The following CPNE4 variants were observed in gnomAD, a reference collection of about 807,000 sequenced individuals.
CPNE4 encodes copine 4, also known as copine-4.
A neutral mutation model predicts 67.9 loss-of-function variants in CPNE4; 25 were observed. The ratio of observed to expected loss-of-function variants is 0.37; its 90% CI spans 0.27 to 0.51. The LOEUF (loss-of-function observed/expected upper bound fraction) is 0.51. Ranked by LOEUF, CPNE4 falls within the 20% of genes least tolerant of loss-of-function variation. CPNE4 has a pLI of 0.93. For synonymous variants in CPNE4, 242 were observed against 244.9 expected (o/e 0.99, Z 0.11); for missense variants, 464 against 690.8 (o/e 0.67, Z 3.68).
At chr3:131,713,896 T>TA (rs555443563) in intron 3 of CPNE4, among the ~76,000 whole-genome samples, 6,848 of 147,700 alleles carry the variant, frequency 0.046, 489 homozygotes, top group African/African-American at 0.16. Context: ...AAGACAGCAG[T>TA]AAAAAAAAAA....
chr3:131,702,210 C>A (rs1487716483), intron 3 of CPNE4, among the ~76,000 whole-genome samples: 7 of 152,160 alleles, frequency 4.6e-5, no homozygotes, highest in Non-Finnish European at 7.4e-5. Context: ...ATGATGATGA[C>A]AACAATGATA....
chr3:131,950,183 C>T (rs557276587), intron 1 of CPNE4, among the ~76,000 whole-genome samples: 22 of 152,236 alleles, frequency 1.4e-4, no homozygotes, highest in Non-Finnish European at 3.1e-4. Flanking sequence ...TCAATAAAAA[C>T]CTTGTTTTAT....
chr3:131,708,995 T>TATAC (rs1366246304), intron 3 of CPNE4, among the ~76,000 whole-genome samples: 67 of 109,092 alleles, frequency 6.1e-4, no homozygotes, highest in East Asian at 1.6e-3. Context: ...TATATATATA[T>TATAC]ACATACACAC....
chr3:131,604,210 A>G (rs1254531148), intron 7 of CPNE4, among the ~76,000 whole-genome samples: 2 of 152,218 alleles, frequency 1.3e-5, no homozygotes, highest in African/African-American at 4.8e-5. Flanking sequence ...TCTACTTAAT[A>G]TAGCTCTAAC....
chr3:131,959,470 C>A (rs913856470), intron 1 of CPNE4, among the ~76,000 whole-genome samples: 1 of 152,114 alleles, frequency 6.6e-6, no homozygotes, highest in African/African-American at 2.4e-5. Context: ...TTATCACTCA[C>A]CCAGGCCAAT....
In CPNE4 at chr3:131,722,620, A is replaced by T. The variant is rs144638271; in HGVS notation, c.360+826T>A. On this transcript the variant is annotated intron_variant, in intron 3 of 15. Coordinates refer to ENST00000429747, the MANE Select transcript of CPNE4 (RefSeq NM_130808.3). ...GCTCTCTCTTCCTTTAAGGTCTACG[A>T]CCTTGTATAGAGAGCCCAGGGTATT... Among the ~76,000 whole-genome samples, 6 of 152,160 alleles carry T rather than the reference A, an allele frequency of 3.9e-5. No individual in the cohort carries two copies. In the East Asian group the frequency reaches 1.2e-3, roughly 29 times the overall value.
chr3:131,952,163 T>A (rs1245016724), intron 1 of CPNE4, among the ~76,000 whole-genome samples: 1 of 141,838 alleles, frequency 7.1e-6, no homozygotes, highest in Non-Finnish European at 1.5e-5. Context: ...GTGAGGAGCA[T>A]CTCTGCCCGG....
chr3:131,771,342 T>G, intron 2 of CPNE4, among the ~76,000 whole-genome samples: 1 of 152,146 alleles, frequency 6.6e-6, no homozygotes, highest in Non-Finnish European at 1.5e-5. Flanking sequence ...CCAAACCTCA[T>G]GTTGAAACTC....
chr3:131,870,350 G>A (rs906271305), intron 2 of CPNE4, among the ~76,000 whole-genome samples: 2 of 152,206 alleles, frequency 1.3e-5, no homozygotes, highest in East Asian at 1.9e-4. Flanking sequence ...CCCTCAAGGA[G>A]CAACCGGTCT....
chr3:131,820,447 C>T (rs2084921089), intron 2 of CPNE4, among the ~76,000 whole-genome samples: 1 of 152,186 alleles, frequency 6.6e-6, no homozygotes, highest in Non-Finnish European at 1.5e-5. Flanking sequence ...GGTGAGGGGG[C>T]TCTCTGCAGC....
chr3:132,025,224 C>T (rs905463495), intron 1 of CPNE4, among the ~76,000 whole-genome samples: 4 of 152,124 alleles, frequency 2.6e-5, no homozygotes, highest in African/African-American at 4.8e-5. Context: ...GCCTAAGATC[C>T]TTTTGGGACA....
At chr3:131,736,164 G>A (rs556602110) in intron 2 of CPNE4, among the ~76,000 whole-genome samples, 6 of 142,988 alleles carry the variant, frequency 4.2e-5, no homozygotes, top group African/African-American at 1.5e-4. Context: ...CCATGTGGCA[G>A]TAATTAACTT....
At chr3:131,868,949 A>G (rs926230238) in intron 2 of CPNE4, among the ~76,000 whole-genome samples, 7 of 152,188 alleles carry the variant, frequency 4.6e-5, no homozygotes, top group African/African-American at 1.7e-4. Context: ...CTAAGTAAGA[A>G]CTAGGAGGAA....
At position 131,782,494 on chromosome 3, in the gene CPNE4, G is replaced by T. The variant is rs140521658; in HGVS notation, c.181-58869C>A. Reference sequence around the variant, plus strand: ...TACACACACACACATGCACACACATGCATACACACACACATACACAGTAAA... The same window carrying T: ...TACACACACACACATGCACACACATTCATACACACACACATACACAGTAAA... On this transcript the variant is annotated intron_variant, in intron 2 of 15. Transcript: ENST00000429747. Among the ~76,000 whole-genome samples, 603 of 151,740 alleles carry T rather than the reference G, an allele frequency of 4.0e-3. 6 individuals are homozygous for T. The highest frequency in any genetic ancestry group is 0.014 in the African/African-American group (571 of 41,418).
intron 1 of CPNE4, among the ~76,000 whole-genome samples, chr3:131,962,685 A>C (rs888718789): frequency 6.6e-6 from 1 of 152,194 alleles, no homozygotes; most frequent in African/African-American, 2.4e-5. Context: ...CTAAACAAAT[A>C]GATGGACTTC....
chr3:131,817,901 C>G (rs2084807433), intron 2 of CPNE4, among the ~76,000 whole-genome samples: 1 of 152,204 alleles, frequency 6.6e-6, no homozygotes. Flanking sequence ...ACCACCTACT[C>G]ACATCTGAAA....
At position 131,665,697 on chromosome 3, in the gene CPNE4, G is replaced by A. The variant is rs569664552; in HGVS notation, c.681+3978C>T. 2.6e-3 allele frequency among the ~76,000 whole-genome samples: 296 copies of A among 115,204 alleles called. 5 individuals carry two copies. The highest frequency in any genetic ancestry group is 0.025 in the South Asian group (88 of 3,508). 75.6% of individuals were successfully genotyped at this position (115,204 alleles called of 152,430 possible). ...CAAACAAACAAACAAAAAACAGAAAGAAAAGAGAAAAAGAAAAAAAGTTAA... is the reference window on the plus strand; with the variant it reads ...CAAACAAACAAACAAAAAACAGAAAAAAAAGAGAAAAAGAAAAAAAGTTAA... On this transcript the variant is annotated intron_variant, in intron 7 of 15. Coordinates refer to ENST00000429747, the MANE Select transcript of CPNE4 (RefSeq NM_130808.3).
intron 2 of CPNE4, among the ~76,000 whole-genome samples, chr3:131,843,619 A>G (rs79684649): frequency 0.013 from 2,009 of 152,300 alleles, 21 homozygotes; most frequent in Middle Eastern, 0.075. Context: ...GTAGTACCTT[A>G]TTTCTAGATT....
At chr3:131,719,641 C>T (rs2081829444) in intron 3 of CPNE4, among the ~76,000 whole-genome samples, 1 of 152,166 alleles carries the variant, frequency 6.6e-6, no homozygotes, top group African/African-American at 2.4e-5. Flanking sequence ...TGTCAAACAG[C>T]TTCAATGACA....
Sources: gnomAD v4.1 joint callset for allele counts (sites outside exome capture counted in the v4.1 genomes callset) on GRCh38, gnomAD v4.1.1 for gene constraint, MANE v1.5 for transcripts, NCBI Gene and HGNC (gene_info 2026-07-23, HGNC 2026-07-21) for gene names.